MEF2C: variants seen among roughly 807,000 people sequenced by gnomAD.
MEF2C encodes the protein myocyte-specific enhancer factor 2C.
Under a neutral mutation model 50.5 loss-of-function variants are expected in MEF2C, and 6 were observed. The ratio of observed to expected loss-of-function variants is 0.12; its 90% CI spans 0.07 to 0.23. The LOEUF (loss-of-function observed/expected upper bound fraction) is 0.23, where lower values mean the gene tolerates loss of function less well. MEF2C is among the 10% of genes least tolerant of loss of function. MEF2C has a pLI of 1.00. For synonymous variants in MEF2C, 183 were observed against 228.0 expected, an observed-to-expected ratio of 0.80 and a Z score of 1.78; for missense variants, 276 against 605.0, an observed-to-expected ratio of 0.46 and a Z score of 5.70.
intron 3 of MEF2C, among the ~76,000 whole-genome samples, chr5:88,778,795 A>G (rs1786213583): frequency 6.6e-6 from 1 of 152,240 alleles, no homozygotes; most frequent in Non-Finnish European, 1.5e-5. Flanking sequence ...AAAATTTCCC[A>G]AAGTACCAAG....
Position 88,883,002 on chromosome 5 carries a change from TAAGAG to T in MEF2C, c.-195_-191del, listed in dbSNP as rs1833432184. ...TAGTCCTTGGGATATTTTCCTTTCTTAAGAGAGAGAGAGAGAGAAAAAAAAAATAA... is the reference window on the plus strand; with the variant it reads ...TAGTCCTTGGGATATTTTCCTTTCTTAGAGAGAGAGAGAAAAAAAAAATAA... On this transcript the variant is annotated 5_prime_UTR_variant, in exon 1 of 11. Coordinates refer to ENST00000504921, the MANE Select transcript of MEF2C (RefSeq NM_002397.5). 6.6e-6 allele frequency: 1 copy of T among 151,780 alleles called. No individual in the cohort carries two copies. The highest frequency in any genetic ancestry group is 1.9e-4 in the East Asian group (1 of 5,164). The allele number at this position is 151,780 out of a possible 1,614,324, so 9.4% of individuals were successfully genotyped here.
intron 10 of MEF2C, 46 bp from the exon 11 acceptor site, chr5:88,722,971 G>T: frequency 6.8e-7 from 1 of 1,468,016 alleles, no homozygotes; most frequent in Non-Finnish European, 9.2e-7. Context: ...GAGGCCTGGA[G>T]GCCCCAGGAA....
At position 88,743,296 on chromosome 5, in the gene MEF2C, T is replaced by A. The variant is rs939021141; in HGVS notation, c.637+5774A>T. ...ACTTGTTAAAGCCAACTTTTTAAAC[T>A]AAATTTTTAACCACTTCACTGATAT... On this transcript the variant is annotated intron_variant, in intron 6 of 10. Coordinates refer to ENST00000504921, the MANE Select transcript of MEF2C (RefSeq NM_002397.5). 12 of 985,278 alleles carry A rather than the reference T, an allele frequency of 1.2e-5. No individual in the cohort carries two copies. In the East Asian group the frequency reaches 1.4e-3, roughly 112 times the overall value. 61.0% of individuals were successfully genotyped at this position (985,278 alleles called of 1,614,324 possible).
chr5:88,800,309 T>C (rs1451815632), intron 3 of MEF2C, among the ~76,000 whole-genome samples: 3 of 152,204 alleles, frequency 2.0e-5, no homozygotes, highest in African/African-American at 7.2e-5. Context: ...GTTGAATTGT[T>C]TAGCCTACAC....
chr5:88,834,117 C>T (rs566948079), intron 1 of MEF2C, among the ~76,000 whole-genome samples: 2 of 152,220 alleles, frequency 1.3e-5, no homozygotes, highest in African/African-American at 4.8e-5. Context: ...ACACACTGTT[C>T]GAATACTTCA....
chr5:88,875,376 C>G (rs553202544), intron 1 of MEF2C, among the ~76,000 whole-genome samples: 79 of 152,002 alleles, frequency 5.2e-4, no homozygotes, highest in Non-Finnish European at 1.1e-3. Context: ...TGTGGTGGAA[C>G]GTTGCTATTT....
At chr5:88,806,973 T>C (rs943479567) in intron 2 of MEF2C, among the ~76,000 whole-genome samples, 6 of 152,170 alleles carry the variant, frequency 3.9e-5, no homozygotes, top group African/African-American at 1.4e-4. Context: ...AGCTACTATG[T>C]GAAATCTTCA....
intron 4 of MEF2C, among the ~76,000 whole-genome samples, chr5:88,755,202 A>C (rs914818395): frequency 1.3e-5 from 2 of 152,152 alleles, no homozygotes; most frequent in African/African-American, 4.8e-5. Context: ...TTAGGAAGAC[A>C]CTCTACTGAC....
chr5:88,783,178 C>T (rs776046660), intron 3 of MEF2C, among the ~76,000 whole-genome samples: 2 of 152,144 alleles, frequency 1.3e-5, no homozygotes, highest in African/African-American at 4.8e-5. Flanking sequence ...GTATCAGGAG[C>T]GGCACTGCCA....
chr5:88,751,721 C>A, intron 5 of MEF2C, 136 bp downstream of exon 5: 1 of 1,109,960 alleles, frequency 9.0e-7, no homozygotes, highest in Non-Finnish European at 1.3e-6. Flanking sequence ...GGAGACCTAG[C>A]TCGGGGGTGG....
chr5:88,886,405 A>G (rs1376603411), upstream of MEF2C, among the ~76,000 whole-genome samples: 1 of 152,012 alleles, frequency 6.6e-6, no homozygotes, highest in Non-Finnish European at 1.5e-5. Flanking sequence ...TGTAGGGAGG[A>G]GCTTGTACTA....
chr5:88,881,951 A>G (rs1329232304), intron 1 of MEF2C, among the ~76,000 whole-genome samples: 1 of 152,200 alleles, frequency 6.6e-6, no homozygotes. Context: ...GCATTTACAT[A>G]TAAAGTATTT....
chr5:88,785,048 C>T (rs1349802828), intron 3 of MEF2C, among the ~76,000 whole-genome samples: 5 of 152,034 alleles, frequency 3.3e-5, no homozygotes. Flanking sequence ...ATACAAGGAC[C>T]TTGATTCTTC....
intron 3 of MEF2C, among the ~76,000 whole-genome samples, chr5:88,766,163 A>G (rs566829071): frequency 6.6e-6 from 1 of 152,300 alleles, no homozygotes; most frequent in African/African-American, 2.4e-5. Flanking sequence ...CATCGGAAAA[A>G]CTTGAAATAC....
chr5:88,825,702 G>A, intron 1 of MEF2C: 1 of 825,418 alleles, frequency 1.2e-6, no homozygotes, highest in African/African-American at 1.9e-5. Flanking sequence ...ACTTTCCTGT[G>A]TTTCCTATAG....
intron 1 of MEF2C, among the ~76,000 whole-genome samples, chr5:88,833,429 G>T (rs1309440853): frequency 6.6e-6 from 1 of 152,034 alleles, no homozygotes; most frequent in African/African-American, 2.4e-5. Flanking sequence ...TTAGTACAAA[G>T]AAGCTGAAAA....
rs544880089 is a variant in MEF2C, at chr5:88,850,043, G to A, written c.-142-26113C>T. 1.8e-4 allele frequency among the ~76,000 whole-genome samples: 27 copies of A among 152,098 alleles called. No individual in the cohort carries two copies. The East Asian group carries it at 3.1e-3, about 17-fold the overall frequency. On this transcript the variant is annotated intron_variant, in intron 1 of 10. Coordinates refer to ENST00000504921, the MANE Select transcript of MEF2C (RefSeq NM_002397.5). ...GTTGGTGTGCTGCACCCATTAACTC[G>A]TCATTTAACATTAGGTATATCTCCT... is the stretch of plus-strand genomic sequence containing the variant.
chr5:88,836,094 T>C (rs1005265910), intron 1 of MEF2C, among the ~76,000 whole-genome samples: 9 of 152,152 alleles, frequency 5.9e-5, no homozygotes, highest in Admixed American at 3.9e-4. Context: ...TTATCAGTTT[T>C]AAAATAGGGT....
intron 6 of MEF2C, chr5:88,735,790 C>T: frequency 2.0e-6 from 2 of 985,294 alleles, no homozygotes; most frequent in Non-Finnish European, 2.4e-6. Context: ...AGAACATATT[C>T]CTGGCTTAAG....
Sources: gnomAD v4.1 joint callset for allele counts (sites outside exome capture counted in the v4.1 genomes callset) on GRCh38, gnomAD v4.1.1 for gene constraint, MANE v1.5 for transcripts, NCBI Gene and HGNC (gene_info 2026-07-23, HGNC 2026-07-21) for gene names.